LITAF: variants seen among roughly 807,000 people sequenced by gnomAD.
LITAF encodes lipopolysaccharide-induced tumor necrosis factor-alpha factor.
Under a neutral mutation model 14.5 loss-of-function variants are expected in LITAF, and 9 were observed. That is an observed-to-expected ratio of 0.62 (90% CI 0.37 to 1.08). The LOEUF (loss-of-function observed/expected upper bound fraction) is 1.08. LITAF is among the 50% of genes least tolerant of loss of function. LITAF has a pLI of 0.01. For synonymous variants in LITAF, 98 were observed against 88.2 expected, an observed-to-expected ratio of 1.11 and a Z score of -0.62; for missense variants, 206 against 213.4, an observed-to-expected ratio of 0.97 and a Z score of 0.22.
chr16:11,627,968 C>T (rs1053313092), intron 3 of LITAF, among the ~76,000 whole-genome samples: 3 of 138,744 alleles, frequency 2.2e-5, no homozygotes, highest in Non-Finnish European at 3.0e-5. Context: ...AGTGAGATTG[C>T]GTCACTGCAC....
intron 3 of LITAF, among the ~76,000 whole-genome samples, chr16:11,627,876 G>A (rs2065093452): frequency 6.6e-6 from 1 of 151,874 alleles, no homozygotes; most frequent in African/African-American, 2.4e-5. Flanking sequence ...AATTAGCCGG[G>A]CGTGGTACCA....
At chr16:11,557,036 C>G (rs577193066) in intron 1 of LITAF, among the ~76,000 whole-genome samples, 74 of 151,790 alleles carry the variant, frequency 4.9e-4, no homozygotes, top group African/African-American at 1.5e-3. Context: ...ACCTACGTAC[C>G]TTCCATATCT....
intron 1 of LITAF, among the ~76,000 whole-genome samples, chr16:11,594,621 A>G (rs1480045675): frequency 6.6e-6 from 1 of 152,186 alleles, no homozygotes; most frequent in Non-Finnish European, 1.5e-5. Context: ...CACACCTGCA[A>G]CCCCAACACT....
At chr16:11,597,263 T>C (rs1371940619) in intron 1 of LITAF, among the ~76,000 whole-genome samples, 1 of 152,132 alleles carries the variant, frequency 6.6e-6, no homozygotes. Context: ...CACTTTCTCT[T>C]CCTTGTAGCC....
upstream of LITAF, among the ~76,000 whole-genome samples, chr16:11,638,288 C>A (rs964039686): frequency 5.3e-5 from 8 of 151,472 alleles, no homozygotes; most frequent in Admixed American, 4.0e-4. Context: ...TGAGATAATG[C>A]ACATAACAAG....
At chr16:11,631,882 G>A (rs1287512045) in intron 3 of LITAF, among the ~76,000 whole-genome samples, 15 of 137,106 alleles carry the variant, frequency 1.1e-4, no homozygotes, top group African/African-American at 4.2e-4. Flanking sequence ...ACGGAGTCTT[G>A]CTCTGTCTAC....
At chr16:11,592,739 CA>C (rs1262515604) in intron 1 of LITAF, among the ~76,000 whole-genome samples, 4 of 151,406 alleles carry the variant, frequency 2.6e-5, no homozygotes, top group South Asian at 2.1e-4. Context: ...ATGATAGCTA[CA>C]AAAAAAAATT....
chr16:11,553,715 C>G lies in LITAF; in HGVS notation c.221-26G>C, dbSNP rs1273766748. On this transcript the variant is annotated intron_variant, in intron 2 of 3. Transcript: ENST00000622633. This position sits in a 1 kb window ranked among gnomAD's most constrained non-coding sequence, Gnocchi z 7.7. ...CTGATGAAAGGGAGAGGGACAAACA[C>G]AGGTTGCTCAGGAAACAAGGCCAAT... is the stretch of plus-strand genomic sequence containing the variant. 5.0e-6 allele frequency: 8 copies of G among 1,613,564 alleles called. No homozygotes were observed. In the African/African-American group the frequency reaches 8.0e-5, roughly 16 times the overall value.
chr16:11,639,619 TAAAAA>T (rs34112249), upstream of LITAF, among the ~76,000 whole-genome samples: 4,376 of 150,424 alleles, frequency 0.029, 115 homozygotes, highest in Non-Finnish European at 0.049. Context: ...GAAAGATTTT[TAAAAA>T]AAAAAAAGAA....
chr16:11,604,280 A>G (rs573836302), intron 3 of LITAF, among the ~76,000 whole-genome samples: 3 of 152,338 alleles, frequency 2.0e-5, no homozygotes, highest in South Asian at 2.1e-4. Flanking sequence ...TTGGAACTAC[A>G]TTCACTGAAG....
At chr16:11,577,386 C>T (rs566527774) in intron 1 of LITAF, among the ~76,000 whole-genome samples, 1 of 144,446 alleles carries the variant, frequency 6.9e-6, no homozygotes, top group African/African-American at 2.6e-5. Flanking sequence ...GGCACAATCT[C>T]GGCTCACTGC....
At chr16:11,617,216 A>C (rs946383180) in intron 3 of LITAF, among the ~76,000 whole-genome samples, 11 of 151,982 alleles carry the variant, frequency 7.2e-5, no homozygotes, top group Admixed American at 2.0e-4. Flanking sequence ...CGAGACTCCA[A>C]CTCAAAAAAA....
chr16:11,577,505 A>G (rs1456398475), intron 1 of LITAF, among the ~76,000 whole-genome samples: 1 of 151,890 alleles, frequency 6.6e-6, no homozygotes, highest in Non-Finnish European at 1.5e-5. Flanking sequence ...TTTAGTAGAG[A>G]TGAGGTTTCA....
rs1366690109 is a variant in LITAF at position 11,634,747 on chromosome 16, G to A, written c.-21+1078C>T. 6.6e-6 allele frequency among the ~76,000 whole-genome samples: 1 copy of A among 152,108 alleles called. No homozygotes were observed. The highest frequency in any genetic ancestry group is 2.4e-5 in the African/African-American group (1 of 41,434). ...AGACTGACTTGAGTCATAAAACTCT[G>A]GTCTCTACCAGGCATGGTGGCTCAC... On this transcript the variant is annotated intron_variant, in intron 2 of 3. Coordinates refer to the LITAF transcript ENST00000574848. This position sits in a 1 kb window ranked among gnomAD's most constrained non-coding sequence, Gnocchi z 4.1.
At position 11,612,668 on chromosome 16, in the gene LITAF, C is replaced by T. The variant is rs372601299; in HGVS notation, c.85+20865G>A. Among the ~76,000 whole-genome samples, 133 of 152,342 alleles carry T rather than the reference C, an allele frequency of 8.7e-4. 1 individual carries two copies. The highest frequency in any genetic ancestry group is 3.1e-3 in the African/African-American group (127 of 41,582). The stretch of plus-strand genomic sequence containing the variant: ...ACAGCAGACCTTCCCACCCCACTCC[C>T]AGCCCAGAACTGGCCACCCACTTCC... On this transcript the variant is annotated intron_variant, in intron 3 of 3. Transcript: ENST00000574848.
At chr16:11,603,507 G>A (rs731387) in intron 3 of LITAF, among the ~76,000 whole-genome samples, 137,093 of 152,256 alleles carry the variant, frequency 0.9, 61,873 homozygotes, top group East Asian at 0.99. Flanking sequence ...TTGAGATGTC[G>A]GTCTTCATTT....
chr16:11,598,930 C>T, upstream of LITAF, among the ~76,000 whole-genome samples: 1 of 151,808 alleles, frequency 6.6e-6, no homozygotes, highest in African/African-American at 2.4e-5. Context: ...AGCGATTCTC[C>T]TGCCTCAGCC....
chr16:11,566,750 C>T (rs532533613), intron 1 of LITAF, among the ~76,000 whole-genome samples: 1 of 150,006 alleles, frequency 6.7e-6, no homozygotes, highest in Non-Finnish European at 1.5e-5. Flanking sequence ...TCAGCCTGGG[C>T]AGGGGTAGGG....
At chr16:11,566,909 G>A (rs537944263) in intron 1 of LITAF, among the ~76,000 whole-genome samples, 1 of 152,302 alleles carries the variant, frequency 6.6e-6, no homozygotes, top group African/African-American at 2.4e-5. Flanking sequence ...TTTATGTAAT[G>A]ACAAGCCTCC....
Sources: gnomAD v4.1 joint callset for allele counts (sites outside exome capture counted in the v4.1 genomes callset) on GRCh38, gnomAD v4.1.1 for gene constraint, Gnocchi (gnomAD v3.1) non-coding constraint, MANE v1.5 for transcripts, NCBI Gene and HGNC (gene_info 2026-07-23, HGNC 2026-07-21) for gene names.